The following KLF8 variants were observed in gnomAD, a reference collection of about 807,000 sequenced individuals.
KLF8 encodes the protein Krueppel-like factor 8.
KLF8 carries 10 observed loss-of-function variants against 18.2 expected under a neutral mutation model. The observed-to-expected ratio is 0.55, with a 90% CI of 0.34 to 0.93. KLF8 has a LOEUF of 0.93. KLF8 is among the 40% of genes least tolerant of loss of function. The pLI, the probability that KLF8 is intolerant of heterozygous loss-of-function variation, is 0.02. For missense variants in KLF8, 264 were observed against 277.9 expected, an observed-to-expected ratio of 0.95 and a Z score of 0.36; for synonymous variants, 109 against 97.3, an observed-to-expected ratio of 1.12 and a Z score of -0.71.
chrX:56,204,848 G>A, the KLF8 span, among the ~76,000 whole-genome samples: 1 of 110,513 alleles, frequency 9.0e-6, no homozygotes, highest in Non-Finnish European at 1.9e-5. Context: ...TAAATGGAGA[G>A]CACTGATCTG....
the KLF8 span, among the ~76,000 whole-genome samples, chrX:56,013,952 A>G: frequency 8.1e-5 from 9 of 111,607 alleles, no homozygotes; most frequent in African/African-American, 2.9e-4. Flanking sequence ...CTGAAACTGG[A>G]CCCCTTTCTT....
the KLF8 span, among the ~76,000 whole-genome samples, chrX:55,948,517 T>A: frequency 3.6e-5 from 4 of 112,384 alleles, no homozygotes; most frequent in Non-Finnish European, 7.5e-5. Context: ...TTAAAACAGT[T>A]GTTACATATC....
the KLF8 span, among the ~76,000 whole-genome samples, chrX:56,053,540 C>G: frequency 7.5e-5 from 2 of 26,497 alleles, no homozygotes. Flanking sequence ...GAAGTCTTTT[C>G]TTTGTTTTTT....
rs187031293 is a variant in KLF8, at chrX:56,287,610, A to G, written c.*3116A>G. On this transcript the variant is annotated 3_prime_UTR_variant, in exon 6 of 6. Transcript: ENST00000468660. ...GCAGTTGAACATAAACTTCATAATT[A>G]TAGTAAAATTTAGGAAAAACTATGA... 16 of 112,306 alleles carry G rather than the reference A, an allele frequency of 1.4e-4. No individual in the cohort carries two copies. The highest frequency in any genetic ancestry group is 2.8e-4 in the Non-Finnish European group (15 of 53,293). The allele number at this position is 112,306 out of a possible 1,213,427, so 9.3% of individuals were successfully genotyped here. A position where few individuals can be genotyped will look rare whatever the true frequency, so the allele number is the denominator to read the frequency against.
chrX:56,038,358 A>G, the KLF8 span, among the ~76,000 whole-genome samples: 2 of 111,594 alleles, frequency 1.8e-5, no homozygotes, highest in East Asian at 5.6e-4. Flanking sequence ...GCTATTCTTG[A>G]TGGTGTCACT....
At chrX:56,091,959 C>T in the KLF8 span, among the ~76,000 whole-genome samples, 11 of 107,791 alleles carry the variant, frequency 1.0e-4, no homozygotes, top group African/African-American at 2.1e-4. Context: ...CTTTTCTCCA[C>T]GTCCTCACCA....
chrX:56,239,093 T>A (rs935373111), intron 1 of KLF8, among the ~76,000 whole-genome samples: 3 of 112,414 alleles, frequency 2.7e-5, no homozygotes, highest in Non-Finnish European at 5.6e-5. Context: ...TTCTCAGTAA[T>A]CTCCTCCTCT....
At chrX:56,116,238 C>T in the KLF8 span, among the ~76,000 whole-genome samples, 2 of 112,539 alleles carry the variant, frequency 1.8e-5, no homozygotes, top group African/African-American at 3.2e-5. Context: ...CTGTACCTGG[C>T]AGGAACAGGT....
At chrX:55,961,431 G>A in the KLF8 span, 2 of 535,461 alleles carry the variant, frequency 3.7e-6, no homozygotes, top group Non-Finnish European at 6.9e-6. Flanking sequence ...AGCCTTACAT[G>A]CTGCTTAATG....
chrX:56,052,695 T>C, the KLF8 span, among the ~76,000 whole-genome samples: 137 of 112,118 alleles, frequency 1.2e-3, no homozygotes, highest in African/African-American at 4.2e-3. Context: ...GACATTTAAG[T>C]CTGCAGAGGT....
At chrX:56,131,582 A>C in the KLF8 span, among the ~76,000 whole-genome samples, 1 of 111,527 alleles carries the variant, frequency 9.0e-6, no homozygotes, top group Admixed American at 9.5e-5. Flanking sequence ...TACAATTAAA[A>C]AAAAAGGTAT....
At chrX:56,164,113 T>C in the KLF8 span, among the ~76,000 whole-genome samples, 1 of 111,491 alleles carries the variant, frequency 9.0e-6, no homozygotes, top group Non-Finnish European at 1.9e-5. Context: ...TTTTTTATTT[T>C]TTTTTTAAAC....
chrX:56,162,946 A>C, the KLF8 span, among the ~76,000 whole-genome samples: 2 of 112,002 alleles, frequency 1.8e-5, no homozygotes, highest in East Asian at 2.8e-4. Flanking sequence ...ATAGCTTCAT[A>C]GTATTCCATG....
the KLF8 span, among the ~76,000 whole-genome samples, chrX:56,117,499 G>C: frequency 9.1e-6 from 1 of 110,051 alleles, no homozygotes; most frequent in Non-Finnish European, 1.9e-5. Flanking sequence ...ATCATCTCTG[G>C]GGGAAAAAAA....
rs1464262368 is a variant in KLF8, at chrX:56,285,432, G to A, written c.*938G>A. On this transcript the variant is annotated 3_prime_UTR_variant, in exon 6 of 6. Transcript: ENST00000468660. Reference sequence around the variant, plus strand: ...ATCACAAACCTCATTCAAATGGCAGGCTGTCGAGACAGTGTCTTGAGGGGC... The same window carrying A: ...ATCACAAACCTCATTCAAATGGCAGACTGTCGAGACAGTGTCTTGAGGGGC... The A allele has an allele frequency of 7.2e-5, 8 of 111,424 alleles. No individual in the cohort carries two copies. The highest frequency in any genetic ancestry group is 2.6e-4 in the African/African-American group (8 of 30,592). 9.2% of individuals were successfully genotyped at this position (111,424 alleles called of 1,213,427 possible).
At chrX:56,207,955 G>A in the KLF8 span, among the ~76,000 whole-genome samples, 1 of 111,114 alleles carries the variant, frequency 9.0e-6, no homozygotes, top group Non-Finnish European at 1.9e-5. Flanking sequence ...GGCAGAAGGT[G>A]AATGAGGAGC....
chrX:56,158,052 G>T, the KLF8 span, among the ~76,000 whole-genome samples: 1 of 111,789 alleles, frequency 8.9e-6, no homozygotes, highest in African/African-American at 3.3e-5. Flanking sequence ...AATCCATCTT[G>T]AATTAATTTT....
chrX:56,141,120 C>T, the KLF8 span, among the ~76,000 whole-genome samples: 6 of 111,493 alleles, frequency 5.4e-5, no homozygotes, highest in Non-Finnish European at 9.4e-5. Flanking sequence ...CATGCCCCTA[C>T]ACCAGGCTAA....
the KLF8 span, among the ~76,000 whole-genome samples, chrX:56,092,342 C>T: frequency 9.0e-6 from 1 of 111,441 alleles, no homozygotes; most frequent in Non-Finnish European, 1.9e-5. Flanking sequence ...ATATTTTTGT[C>T]ATTGCTTTTG....
Sources: allele counts gnomAD v4.1 joint callset (sites outside exome capture counted in the v4.1 genomes callset), GRCh38; gene constraint gnomAD v4.1.1; transcripts MANE v1.5; gene names NCBI Gene and HGNC (gene_info 2026-07-23, HGNC 2026-07-21).